Variants in PCCA observed in about 807,000 individuals in gnomAD.
The protein encoded by PCCA is propionyl-CoA carboxylase subunit alpha, also known as propionyl-CoA carboxylase alpha chain, mitochondrial.
PCCA carries 74 observed loss-of-function variants against 101.3 expected under a neutral mutation model. That is an observed-to-expected ratio of 0.73 (90% CI 0.61 to 0.89). The LOEUF is 0.89. Among genes scored for constraint, PCCA ranks in the 40% least tolerant of loss-of-function variants. The pLI is 0.00. For synonymous variants in PCCA, 294 were observed against 313.6 expected (o/e 0.94, Z 0.66); for missense variants, 891 against 907.0 (o/e 0.98, Z 0.23).
At chr13:100,328,860 A>T (rs1258368371) in intron 16 of PCCA, among the ~76,000 whole-genome samples, 1 of 151,180 alleles carries the variant, frequency 6.6e-6, no homozygotes, top group African/African-American at 2.4e-5. Flanking sequence ...CGCCCAGCTA[A>T]TTTTTGTATT....
At chr13:100,115,751 T>G (rs1471882915) in intron 4 of PCCA, among the ~76,000 whole-genome samples, 1 of 152,220 alleles carries the variant, frequency 6.6e-6, no homozygotes, top group African/African-American at 2.4e-5. Flanking sequence ...TTTTTCTCAT[T>G]TGTACCTTCC....
intron 6 of PCCA, among the ~76,000 whole-genome samples, chr13:100,202,933 TTTATG>T (rs2058617820): frequency 6.6e-6 from 1 of 152,068 alleles, no homozygotes; most frequent in Admixed American, 6.6e-5. Flanking sequence ...TTTATACTAT[TTTATG>T]TTATGTGTCA....
chr13:100,355,266 GA>G (rs1482894197), intron 18 of PCCA, among the ~76,000 whole-genome samples: 3 of 152,040 alleles, frequency 2.0e-5, no homozygotes, highest in Non-Finnish European at 4.4e-5. Context: ...TTTTCATTAT[GA>G]AAAACACTCA....
intron 20 of PCCA, among the ~76,000 whole-genome samples, chr13:100,427,891 C>G (rs367683098): frequency 6.6e-6 from 1 of 152,122 alleles, no homozygotes; most frequent in East Asian, 1.9e-4. Context: ...ACACACAGTG[C>G]TTACTGTGTT....
chr13:100,466,405 T>G (rs1431212593), intron 21 of PCCA, among the ~76,000 whole-genome samples: 1 of 152,236 alleles, frequency 6.6e-6, no homozygotes, highest in East Asian at 1.9e-4. Context: ...TGTGTGTTCC[T>G]GAGAAATAGC....
chr13:100,134,423 A>C lies in PCCA; in HGVS notation c.301-20556A>C, dbSNP rs543837711. Among the ~76,000 whole-genome samples, 640 of 152,310 alleles carry C rather than the reference A, an allele frequency of 4.2e-3. 2 individuals are homozygous for C. The highest frequency in any genetic ancestry group is 6.2e-3 in the Non-Finnish European group (422 of 68,014). ...CAGCTTATGTTTATGTACACACACAAAAAAAATCCTGCTGAGATTTTGATT... is the reference window on the plus strand; with the variant it reads ...CAGCTTATGTTTATGTACACACACACAAAAAATCCTGCTGAGATTTTGATT... On this transcript the variant is annotated intron_variant, in intron 4 of 23. Coordinates refer to ENST00000376285, the MANE Select transcript of PCCA (RefSeq NM_000282.4).
chr13:100,217,108 T>C (rs1413936522), intron 7 of PCCA, among the ~76,000 whole-genome samples: 3 of 147,330 alleles, frequency 2.0e-5, no homozygotes, highest in Non-Finnish European at 4.5e-5. Flanking sequence ...GAACTCTGTC[T>C]AAAAAAAACA....
Position 100,307,226 on chromosome 13 carries a change from A to G in PCCA, c.1319A>G (p.Asp440Gly), listed in dbSNP as rs1320432255. The G allele has an allele frequency of 6.2e-7, 1 of 1,610,778 alleles. No individual in the cohort carries two copies. The highest frequency in any genetic ancestry group is 1.3e-5 in the African/African-American group (1 of 74,882). Residue 440 changes from aspartate (D) to glycine (G), a missense_variant, in exon 15 of 24, where the codon GAT becomes GGT. Coordinates refer to ENST00000376285, the MANE Select transcript of PCCA (RefSeq NM_000282.4). ...GACAGTGGCATCCAACCAGGAAGTG[A>G]TATTAGCATTTATTATGATCCTATG... ...RVDSGIQPGS[D>G]ISIYYDPMIS...
intron 16 of PCCA, among the ~76,000 whole-genome samples, chr13:100,321,462 G>A (rs566975244): frequency 6.6e-6 from 1 of 152,008 alleles, no homozygotes; most frequent in South Asian, 2.1e-4. Flanking sequence ...CTTCTACTAT[G>A]TTTCTCATTA....
rs2060893925 is a variant in PCCA at position 100,237,907 on chromosome 13, C to T, written c.637+2029C>T. 2.0e-5 allele frequency among the ~76,000 whole-genome samples: 3 copies of T among 150,714 alleles called. No individual in the cohort carries two copies. The South Asian group carries it at 6.3e-4, about 32-fold the overall frequency. On this transcript the variant is annotated intron_variant, in intron 8 of 23. Coordinates refer to ENST00000376285, the MANE Select transcript of PCCA (RefSeq NM_000282.4). Reference sequence around the variant, plus strand: ...CGTGGATTGCTTTGCTTCCTTTATGCCTTTTCTTCCACTTTCTTTCTTTCT... The same window carrying T: ...CGTGGATTGCTTTGCTTCCTTTATGTCTTTTCTTCCACTTTCTTTCTTTCT...
At chr13:100,113,596 T>G (rs922974018) in intron 4 of PCCA, among the ~76,000 whole-genome samples, 9 of 114,012 alleles carry the variant, frequency 7.9e-5, no homozygotes, top group Non-Finnish European at 1.6e-4. Context: ...TTTTTTTTTT[T>G]GAGACAGAGT....
At chr13:100,300,441 T>C (rs1240812863) in intron 12 of PCCA, among the ~76,000 whole-genome samples, 2 of 152,214 alleles carry the variant, frequency 1.3e-5, no homozygotes, top group African/African-American at 4.8e-5. Flanking sequence ...TAGTTGAAGA[T>C]GGGAAGATAA....
intron 4 of PCCA, chr13:100,154,633 G>A: frequency 6.0e-6 from 2 of 332,146 alleles, no homozygotes; most frequent in South Asian, 5.1e-5. Context: ...AAAATATTGG[G>A]CTACCCTGGC....
rs1265298989 is a variant in PCCA, at chr13:100,150,855, A to G, written c.301-4124A>G. 14 of 1,575,896 alleles carry G rather than the reference A, an allele frequency of 8.9e-6. No individual in the cohort carries two copies. The Admixed American group carries it at 2.3e-4, about 26-fold the overall frequency. On this transcript the variant is annotated intron_variant, in intron 4 of 23. Coordinates refer to ENST00000376285, the MANE Select transcript of PCCA (RefSeq NM_000282.4). ...ACACCATGATGGACAGGCTTGCCAT[A>G]AGTTGCACCCTTAGGAACTGGGCGT...
chr13:100,528,429 C>T (rs1460236402), intron 23 of PCCA, among the ~76,000 whole-genome samples: 2 of 152,210 alleles, frequency 1.3e-5, no homozygotes, highest in Non-Finnish European at 2.9e-5. Context: ...TGATGGGAAG[C>T]GCAAGGCTGG....
intron 4 of PCCA, among the ~76,000 whole-genome samples, chr13:100,149,981 T>C (rs78211116): frequency 6.6e-6 from 1 of 152,186 alleles, no homozygotes; most frequent in East Asian, 1.9e-4. Flanking sequence ...TCTAATTGAC[T>C]AATATGAAAT....
intron 21 of PCCA, among the ~76,000 whole-genome samples, chr13:100,474,565 A>G (rs9300606): frequency 0.1 from 15,809 of 151,962 alleles, 1,378 homozygotes; most frequent in African/African-American, 0.24. Flanking sequence ...GGCTCACTGC[A>G]GCCTCGACCT....
At chr13:100,209,052 A>G (rs1412397223) in intron 6 of PCCA, among the ~76,000 whole-genome samples, 1 of 152,104 alleles carries the variant, frequency 6.6e-6, no homozygotes. Context: ...GACGTTATAT[A>G]CAAATACAGT....
chr13:100,177,096 C>A (rs2056312005), intron 6 of PCCA, among the ~76,000 whole-genome samples: 1 of 152,108 alleles, frequency 6.6e-6, no homozygotes, highest in South Asian at 2.1e-4. Context: ...GTTTCTCAGC[C>A]AGTTAGAATT....
Sources: gnomAD v4.1 joint callset for allele counts (sites outside exome capture counted in the v4.1 genomes callset) on GRCh38, gnomAD v4.1.1 for gene constraint, MANE v1.5 for transcripts, NCBI Gene and HGNC (gene_info 2026-07-23, HGNC 2026-07-21) for gene names.